Variants in POC1B observed in about 807,000 individuals in gnomAD.
POC1B encodes the protein POC1 centriolar protein B.
In POC1B, 44 loss-of-function variants were observed where a neutral mutation model predicts 60.6. The ratio of observed to expected loss-of-function variants is 0.73; its 90% CI spans 0.57 to 0.93. POC1B has a LOEUF of 0.93. Ranked by LOEUF, POC1B falls within the 40% of genes least tolerant of loss-of-function variation. POC1B has a pLI of 0.00. For missense variants in POC1B, 555 were observed against 572.3 expected (o/e 0.97, Z 0.31); for synonymous variants, 180 against 198.9 (o/e 0.90, Z 0.80).
At chr12:89,462,071 A>T (rs1339744921) in intron 9 of POC1B, among the ~76,000 whole-genome samples, 1 of 152,016 alleles carries the variant, frequency 6.6e-6, no homozygotes, top group Non-Finnish European at 1.5e-5. Flanking sequence ...ACCTGTCATT[A>T]AAAAAAATCC....
At chr12:89,502,840 A>G (rs1869644017) in intron 2 of POC1B, among the ~76,000 whole-genome samples, 1 of 152,136 alleles carries the variant, frequency 6.6e-6, no homozygotes, top group African/African-American at 2.4e-5. Flanking sequence ...CTTATATAAT[A>G]AGTACTGGGG....
downstream of POC1B, among the ~76,000 whole-genome samples, chr12:89,417,108 T>C (rs1880377149): frequency 6.6e-6 from 1 of 152,238 alleles, no homozygotes; most frequent in African/African-American, 2.4e-5. Flanking sequence ...TATTTTCTTC[T>C]GTACTATTTA....
chr12:89,468,934 T>A (rs1012631248), intron 7 of POC1B, among the ~76,000 whole-genome samples: 1 of 152,056 alleles, frequency 6.6e-6, no homozygotes, highest in South Asian at 2.1e-4. Flanking sequence ...GAAGTTTGAA[T>A]ATTGTCTGGA....
At chr12:89,406,272 A>T in the POC1B span, among the ~76,000 whole-genome samples, 2 of 152,196 alleles carry the variant, frequency 1.3e-5, no homozygotes, top group Non-Finnish European at 2.9e-5. Flanking sequence ...TTTTATTACA[A>T]AAGTTAATAC....
chr12:89,401,651 C>G, the POC1B span, among the ~76,000 whole-genome samples: 7 of 152,144 alleles, frequency 4.6e-5, no homozygotes, highest in Non-Finnish European at 8.8e-5. Flanking sequence ...AGTTCCCTCA[C>G]TGGAGGTTGA....
intron 2 of POC1B, chr12:89,521,945 T>C (rs76480421): frequency 0.015 from 5,883 of 398,862 alleles, 258 homozygotes; most frequent in East Asian, 0.11. Context: ...GAGGCTTCAA[T>C]TGTGTTTACT....
At chr12:89,500,614 T>A (rs1322541129) in intron 2 of POC1B, 36 of 1,594,018 alleles carry the variant, frequency 2.3e-5, no homozygotes, top group Non-Finnish European at 3.0e-5. Flanking sequence ...AAAATGTTAT[T>A]CCATCTAGTG....
At chr12:89,504,658 T>A (rs1316919725) in intron 2 of POC1B, among the ~76,000 whole-genome samples, 1 of 149,868 alleles carries the variant, frequency 6.7e-6, no homozygotes, top group Non-Finnish European at 1.5e-5. Context: ...AGGAAAAGAA[T>A]GATAATTTGT....
chr12:89,488,721 A>G lies in POC1B; in HGVS notation c.452+3215T>C, dbSNP rs1256614411. ...AGGCTGGTTTTGAACTCCTGACCTC[A>G]AGTGATCTGCCAGCTTCGGCCTCCC... is the stretch of plus-strand genomic sequence containing the variant. On this transcript the variant is annotated intron_variant, in intron 4 of 11. Transcript: ENST00000313546. Among the ~76,000 whole-genome samples, 5 of 152,154 alleles carry G rather than the reference A, an allele frequency of 3.3e-5. No individual in the cohort carries two copies. In the East Asian group the frequency reaches 9.6e-4, roughly 29 times the overall value.
intron 2 of POC1B, chr12:89,502,166 G>A: frequency 8.6e-7 from 1 of 1,157,166 alleles, no homozygotes; most frequent in Non-Finnish European, 1.3e-6. Context: ...GGACCTTCCA[G>A]GCTCAATAAT....
intron 10 of POC1B, 29 bp from the exon 11 acceptor site, chr12:89,425,408 G>A: frequency 1.3e-6 from 2 of 1,563,406 alleles, no homozygotes; most frequent in Non-Finnish European, 1.7e-6. Context: ...TGTAGGAAGA[G>A]TTATATTTTC....
intron 4 of POC1B, among the ~76,000 whole-genome samples, chr12:89,486,730 T>C (rs1365728055): frequency 1.3e-5 from 2 of 152,160 alleles, no homozygotes; most frequent in African/African-American, 2.4e-5. Context: ...GTGCTAAAAC[T>C]ACAGCAGCTG....
downstream of POC1B, among the ~76,000 whole-genome samples, chr12:89,415,203 A>G (rs1367840250): frequency 6.6e-6 from 1 of 152,224 alleles, no homozygotes; most frequent in Admixed American, 6.5e-5. Flanking sequence ...TTTTTGTTAA[A>G]TTTTTAAAAA....
chr12:89,524,175 C>T, intron 2 of POC1B: 1 of 1,614,014 alleles, frequency 6.2e-7, no homozygotes, highest in African/African-American at 1.3e-5. Flanking sequence ...ACTTCTGGGA[C>T]TTACACTCAT....
At chr12:89,473,902 G>A (rs1025369433) in intron 4 of POC1B, among the ~76,000 whole-genome samples, 2 of 151,638 alleles carry the variant, frequency 1.3e-5, no homozygotes, top group African/African-American at 4.8e-5. Flanking sequence ...GATAAACTTG[G>A]CATAATAATT....
chr12:89,444,656 A>G (rs576726969), intron 10 of POC1B, among the ~76,000 whole-genome samples: 7 of 152,338 alleles, frequency 4.6e-5, no homozygotes, highest in African/African-American at 1.7e-4. Flanking sequence ...ATCATACTGA[A>G]TGGGCAAAAA....
intron 2 of POC1B, chr12:89,521,998 A>T (rs1317263365): frequency 2.5e-6 from 1 of 399,024 alleles, no homozygotes; most frequent in Admixed American, 4.4e-5. Flanking sequence ...AGTATTCTGG[A>T]TGAGTCCCTT....
downstream of POC1B, among the ~76,000 whole-genome samples, chr12:89,415,202 A>C (rs2120614046): frequency 6.6e-6 from 1 of 152,302 alleles, no homozygotes; most frequent in East Asian, 1.9e-4. Context: ...CTTTTTGTTA[A>C]ATTTTTAAAA....
intron 4 of POC1B, among the ~76,000 whole-genome samples, chr12:89,486,950 C>T (rs1287500762): frequency 6.6e-6 from 1 of 152,048 alleles, no homozygotes; most frequent in East Asian, 1.9e-4. Flanking sequence ...CATACACACA[C>T]TCTCTATAAT....
Sources: gnomAD v4.1 joint callset for allele counts (sites outside exome capture counted in the v4.1 genomes callset) on GRCh38, gnomAD v4.1.1 for gene constraint, MANE v1.5 for transcripts, NCBI Gene and HGNC (gene_info 2026-07-23, HGNC 2026-07-21) for gene names.